The following PTPRD variants were observed in gnomAD, a reference collection of about 807,000 sequenced individuals.
PTPRD encodes the protein protein tyrosine phosphatase receptor type D, also known as receptor-type tyrosine-protein phosphatase delta.
In PTPRD, 34 loss-of-function variants were observed where a neutral mutation model predicts 214.5. The ratio of observed to expected loss-of-function variants is 0.16; its 90% CI spans 0.12 to 0.21. PTPRD has a LOEUF of 0.21. Among genes scored for constraint, PTPRD ranks in the 10% least tolerant of loss-of-function variants. The pLI is 1.00. For synonymous variants in PTPRD, 1,128 were observed against 845.7 expected (o/e 1.33, Z -5.79); for missense variants, 2,545 against 2,398.7 (o/e 1.06, Z -1.27).
intron 14 of PTPRD, among the ~76,000 whole-genome samples, chr9:8,616,324 G>C (rs1340143532): frequency 1.3e-5 from 2 of 152,088 alleles, no homozygotes; most frequent in Non-Finnish European, 2.9e-5. Context: ...TGGCAGATGA[G>C]CTAGAGGAAA....
chr9:10,010,794 G>A (rs7852745), intron 4 of PTPRD, among the ~76,000 whole-genome samples: 91 of 152,044 alleles, frequency 6.0e-4, no homozygotes, highest in African/African-American at 2.0e-3. Flanking sequence ...TGAAACTTCT[G>A]TGTTAAAACT....
chr9:8,748,528 AAAAAAAAAAAAAG>A (rs1425598068), intron 11 of PTPRD, among the ~76,000 whole-genome samples: 2 of 141,966 alleles, frequency 1.4e-5, no homozygotes, highest in East Asian at 2.0e-4. Context: ...ACTGCAAAAA[AAAAAAAAAAAAAG>A]AAAAAGAAAA....
chr9:10,086,064 A>G (rs1469109591), intron 3 of PTPRD, among the ~76,000 whole-genome samples: 1 of 151,808 alleles, frequency 6.6e-6, no homozygotes, highest in Non-Finnish European at 1.5e-5. Context: ...AGGATAACTG[A>G]AAAACACTTT....
chr9:9,773,619 A>G (rs931906599), intron 5 of PTPRD, among the ~76,000 whole-genome samples: 1 of 152,204 alleles, frequency 6.6e-6, no homozygotes, highest in African/African-American at 2.4e-5. Flanking sequence ...TTAGAATGAA[A>G]CAGTCTAAGC....
chr9:9,968,257 T>G (rs370786830), intron 4 of PTPRD, among the ~76,000 whole-genome samples: 19 of 152,302 alleles, frequency 1.2e-4, no homozygotes, highest in East Asian at 7.7e-4. Context: ...CCAGTGAAGC[T>G]GGAGAGGAAC....
intron 11 of PTPRD, among the ~76,000 whole-genome samples, chr9:8,805,735 C>A (rs951690424): frequency 3.3e-5 from 5 of 151,416 alleles, no homozygotes; most frequent in African/African-American, 9.7e-5. Flanking sequence ...GTGGGTCACA[C>A]CTGTAATTCC....
At chr9:9,180,849 T>C (rs1448450340) in intron 10 of PTPRD, among the ~76,000 whole-genome samples, 1 of 152,126 alleles carries the variant, frequency 6.6e-6, no homozygotes, top group African/African-American at 2.4e-5. Flanking sequence ...CTTACAATAT[T>C]TTTGTACACA....
At chr9:8,425,677 T>TC (rs2094616656) in intron 35 of PTPRD, among the ~76,000 whole-genome samples, 1 of 152,096 alleles carries the variant, frequency 6.6e-6, no homozygotes, top group Non-Finnish European at 1.5e-5. Flanking sequence ...TTGTTTTTTT[T>TC]CTGTTTCTCC....
At chr9:8,714,823 T>G (rs898506464) in intron 12 of PTPRD, among the ~76,000 whole-genome samples, 4 of 152,282 alleles carry the variant, frequency 2.6e-5, no homozygotes, top group African/African-American at 7.2e-5. Context: ...ACCATAATAC[T>G]TAGGTCACCT....
At chr9:8,910,765 G>A (rs577870705) in intron 11 of PTPRD, among the ~76,000 whole-genome samples, 20 of 152,230 alleles carry the variant, frequency 1.3e-4, no homozygotes, top group Admixed American at 3.9e-4. Context: ...TCAAGATTAC[G>A]TAATATAAAA....
chr9:10,148,091 C>G (rs943700216), intron 3 of PTPRD, among the ~76,000 whole-genome samples: 2 of 152,108 alleles, frequency 1.3e-5, no homozygotes, highest in African/African-American at 4.8e-5. Flanking sequence ...CCACCTTTCA[C>G]TATTTTCAAC....
intron 8 of PTPRD, among the ~76,000 whole-genome samples, chr9:9,529,942 G>A (rs1312316062): frequency 6.6e-6 from 1 of 151,686 alleles, no homozygotes; most frequent in Non-Finnish European, 1.5e-5. Flanking sequence ...GCAACATCTG[G>A]ACATAAAGTT....
At chr9:8,631,437 T>C (rs1595688769) in intron 14 of PTPRD, among the ~76,000 whole-genome samples, 1 of 151,818 alleles carries the variant, frequency 6.6e-6, no homozygotes, top group Non-Finnish European at 1.5e-5. Context: ...GCTTTAGAAC[T>C]GGTGTTCATT....
At chr9:9,323,540 C>T (rs1262512672) in intron 9 of PTPRD, among the ~76,000 whole-genome samples, 2 of 152,148 alleles carry the variant, frequency 1.3e-5, no homozygotes, top group Non-Finnish European at 2.9e-5. Context: ...ATTTTTCTAA[C>T]ATTGTTAACC....
At chr9:8,836,587 CTTTTTTTTTTT>C (rs34572407) in intron 11 of PTPRD, among the ~76,000 whole-genome samples, 10,607 of 67,396 alleles carry the variant, frequency 0.16, 589 homozygotes, top group African/African-American at 0.18. Flanking sequence ...TAATAAAAAC[CTTTTTTTTTTT>C]TTTTTTTTTT....
At chr9:9,102,598 T>C (rs188681952) in intron 10 of PTPRD, among the ~76,000 whole-genome samples, 13 of 152,358 alleles carry the variant, frequency 8.5e-5, no homozygotes, top group African/African-American at 3.1e-4. Context: ...AAGATTCGCT[T>C]TCCCACCAGG....
intron 14 of PTPRD, among the ~76,000 whole-genome samples, chr9:8,536,564 T>G (rs867463146): frequency 6.6e-6 from 1 of 151,862 alleles, no homozygotes; most frequent in Non-Finnish European, 1.5e-5. Flanking sequence ...AGATGAGAAA[T>G]GGAAGAGTGT....
intron 36 of PTPRD, among the ~76,000 whole-genome samples, chr9:8,394,245 C>T (rs977674639): frequency 7.3e-5 from 11 of 150,926 alleles, no homozygotes; most frequent in Admixed American, 5.3e-4. Context: ...GAAGATAATT[C>T]GATTTGAAAA....
intron 2 of PTPRD, among the ~76,000 whole-genome samples, chr9:10,596,351 T>C (rs1192739278): frequency 2.6e-5 from 4 of 151,734 alleles, no homozygotes; most frequent in Admixed American, 6.6e-5. Flanking sequence ...TATACCCATA[T>C]ACACACACAT....
Sources: allele counts gnomAD v4.1 joint callset (sites outside exome capture counted in the v4.1 genomes callset), GRCh38; gene constraint gnomAD v4.1.1; transcripts MANE v1.5; gene names NCBI Gene and HGNC (gene_info 2026-07-23, HGNC 2026-07-21).